Variants in CNBD1 observed in about 807,000 individuals in gnomAD.
CNBD1 encodes cyclic nucleotide binding domain containing 1, also known as cyclic nucleotide-binding domain-containing protein 1.
Under a neutral mutation model 54.4 loss-of-function variants are expected in CNBD1, and 71 were observed. The observed-to-expected ratio is 1.30, with a 90% CI of 1.08 to 1.59. CNBD1 has a LOEUF of 1.59. CNBD1 is among the 40% of genes most tolerant of loss of function. The pLI is 0.00. For missense variants in CNBD1, 659 were observed against 518.0 expected (o/e 1.27, Z -2.64); for synonymous variants, 182 against 170.7 (o/e 1.07, Z -0.51).
chr8:87,141,610 T>G (rs998989958), intron 4 of CNBD1, among the ~76,000 whole-genome samples: 1 of 152,086 alleles, frequency 6.6e-6, no homozygotes, highest in Non-Finnish European at 1.5e-5. Flanking sequence ...TTGATTTTTT[T>G]TTGGTCTCTA....
intron 1 of CNBD1, among the ~76,000 whole-genome samples, chr8:86,871,259 GTC>G (rs1808439713): frequency 6.6e-6 from 1 of 152,164 alleles, no homozygotes. Flanking sequence ...TCTCCTCTGA[GTC>G]TCAGGCTACT....
At chr8:86,942,865 C>A (rs1807365110) in intron 4 of CNBD1, among the ~76,000 whole-genome samples, 1 of 152,116 alleles carries the variant, frequency 6.6e-6, no homozygotes, top group African/African-American at 2.4e-5. Context: ...AAACACAACA[C>A]TAAAGTAATT....
rs190817800 is a variant in CNBD1, at chr8:87,424,689, C to T, written c.214-3857C>T. Reference sequence around the variant, plus strand: ...CTTGTACGGTTTCTGCCAAGAGATCCGCTGTTAGTCTGATGGGCTTCCCTT... The same window carrying T: ...CTTGTACGGTTTCTGCCAAGAGATCTGCTGTTAGTCTGATGGGCTTCCCTT... On this transcript the variant is annotated intron_variant, in intron 2 of 7. Coordinates refer to the CNBD1 transcript ENST00000521593. 6.5e-3 allele frequency among the ~76,000 whole-genome samples: 985 copies of T among 152,252 alleles called. 10 individuals are homozygous for T. Among genetic ancestry groups the T allele is most frequent in the African/African-American group, 0.021 (863 of 41,536 alleles).
At chr8:87,145,928 C>T (rs1563486336) in intron 4 of CNBD1, among the ~76,000 whole-genome samples, 1 of 152,004 alleles carries the variant, frequency 6.6e-6, no homozygotes, top group Non-Finnish European at 1.5e-5. Context: ...CTTTTGGCTA[C>T]CTCAGCTATA....
chr8:86,997,802 C>T (rs1106289), intron 4 of CNBD1, among the ~76,000 whole-genome samples: 21 of 151,846 alleles, frequency 1.4e-4, no homozygotes, highest in African/African-American at 3.4e-4. Flanking sequence ...TCAGACCCAG[C>T]GGGTGGCTGT....
intron 5 of CNBD1, among the ~76,000 whole-genome samples, chr8:87,210,889 G>A (rs574753403): frequency 1.2e-4 from 18 of 152,174 alleles, no homozygotes; most frequent in Non-Finnish European, 2.2e-4. Context: ...AGTTGGACCT[G>A]TGGGAAGGGC....
intron 4 of CNBD1, among the ~76,000 whole-genome samples, chr8:87,121,174 A>G (rs1811881295): frequency 6.6e-6 from 1 of 151,858 alleles, no homozygotes; most frequent in Non-Finnish European, 1.5e-5. Context: ...CCCTACAGTT[A>G]AAAGACCAAA....
intron 2 of CNBD1, among the ~76,000 whole-genome samples, chr8:87,406,892 C>T (rs1178327663): frequency 6.6e-6 from 1 of 152,082 alleles, no homozygotes; most frequent in Non-Finnish European, 1.5e-5. Context: ...AAATGAATGT[C>T]AGTAGAGTTT....
At chr8:87,379,428 A>AT (rs934822462) in intron 10 of CNBD1, among the ~76,000 whole-genome samples, 4 of 151,836 alleles carry the variant, frequency 2.6e-5, no homozygotes, top group Admixed American at 1.3e-4. Context: ...CAAAATATAC[A>AT]TTTTTTTCAG....
At chr8:87,257,949 A>G (rs1808054693) in intron 6 of CNBD1, among the ~76,000 whole-genome samples, 3 of 152,186 alleles carry the variant, frequency 2.0e-5, no homozygotes, top group African/African-American at 7.2e-5. Context: ...GACAGCATAT[A>G]CTCAGACATA....
At chr8:87,058,559 A>G (rs569287049) in intron 4 of CNBD1, among the ~76,000 whole-genome samples, 1 of 152,190 alleles carries the variant, frequency 6.6e-6, no homozygotes, top group East Asian at 1.9e-4. Context: ...AGGTTCCCAA[A>G]CCTCAATTCT....
chr8:87,246,512 A>C (rs756306129), intron 6 of CNBD1, among the ~76,000 whole-genome samples: 1 of 152,178 alleles, frequency 6.6e-6, no homozygotes, highest in Non-Finnish European at 1.5e-5. Flanking sequence ...GTTTTATGTT[A>C]TCTAAATTAC....
At chr8:86,983,268 C>T (rs1412417772) in intron 4 of CNBD1, among the ~76,000 whole-genome samples, 1 of 152,164 alleles carries the variant, frequency 6.6e-6, no homozygotes, top group African/African-American at 2.4e-5. Context: ...GCTGCCATGT[C>T]AGACATGCCT....
At chr8:86,906,519 T>C (rs777406898) in intron 3 of CNBD1, among the ~76,000 whole-genome samples, 2 of 152,100 alleles carry the variant, frequency 1.3e-5, no homozygotes, top group African/African-American at 2.4e-5. Flanking sequence ...ACAATGCTTA[T>C]ACTGTGATTT....
intron 2 of CNBD1, among the ~76,000 whole-genome samples, chr8:86,890,939 TG>T: frequency 1.4e-5 from 2 of 141,504 alleles, no homozygotes; most frequent in Middle Eastern, 3.5e-3. Context: ...CATTTTTAAT[TG>T]TTTTTTTTTC....
At chr8:87,368,990 C>T (rs368401345) in intron 10 of CNBD1, among the ~76,000 whole-genome samples, 6 of 152,102 alleles carry the variant, frequency 3.9e-5, no homozygotes, top group African/African-American at 1.4e-4. Context: ...AACCAGGAAT[C>T]AAACCCTAAC....
At chr8:87,407,781 G>T (rs1022228881) in intron 2 of CNBD1, among the ~76,000 whole-genome samples, 1 of 151,806 alleles carries the variant, frequency 6.6e-6, no homozygotes, top group Non-Finnish European at 1.5e-5. Flanking sequence ...ACATGTATTT[G>T]TATTATGGAT....
At chr8:87,302,289 C>T (rs962697294) in intron 8 of CNBD1, among the ~76,000 whole-genome samples, 33 of 152,292 alleles carry the variant, frequency 2.2e-4, no homozygotes, top group African/African-American at 6.3e-4. Context: ...GCTTATCCAA[C>T]ATGATCAAGT....
At chr8:87,199,684 TTC>T (rs1195341942) in intron 4 of CNBD1, among the ~76,000 whole-genome samples, 1 of 152,180 alleles carries the variant, frequency 6.6e-6, no homozygotes, top group Admixed American at 6.5e-5. Context: ...ACAAATAACT[TTC>T]TGTTTCCTTC....
Sources: gnomAD v4.1 joint callset for allele counts (sites outside exome capture counted in the v4.1 genomes callset) on GRCh38, gnomAD v4.1.1 for gene constraint, MANE v1.5 for transcripts, NCBI Gene and HGNC (gene_info 2026-07-23, HGNC 2026-07-21) for gene names.